SEMA3C: variants seen among roughly 807,000 people sequenced by gnomAD.
The protein encoded by SEMA3C is semaphorin-3C.
A neutral mutation model predicts 89.4 loss-of-function variants in SEMA3C; 47 were observed. The ratio of observed to expected loss-of-function variants is 0.53; its 90% CI spans 0.42 to 0.67. The LOEUF (loss-of-function observed/expected upper bound fraction) is 0.67, where lower values mean the gene tolerates loss of function less well. Among genes scored for constraint, SEMA3C ranks in the 30% least tolerant of loss-of-function variants. The probability of loss-of-function intolerance (pLI) is 0.00; values close to 1 mark genes in which losing one functional copy is unlikely to be tolerated. For synonymous variants in SEMA3C, 310 were observed against 320.2 expected (o/e 0.97, Z 0.34); for missense variants, 839 against 929.1 (o/e 0.90, Z 1.26).
chr7:80,869,037 T>C (rs558613439), intron 2 of SEMA3C, among the ~76,000 whole-genome samples: 71 of 152,326 alleles, frequency 4.7e-4, no homozygotes, highest in African/African-American at 1.7e-3. Context: ...GAGCATAATA[T>C]GCCTTACATA....
chr7:80,748,838 A>G, intron 17 of SEMA3C, 60 bp downstream of exon 17: 1 of 1,487,406 alleles, frequency 6.7e-7, no homozygotes, highest in Admixed American at 2.3e-5. Flanking sequence ...TCGCTGAGGG[A>G]CAGTGATTTA....
At chr7:80,852,475 A>G (rs762448998) in intron 2 of SEMA3C, among the ~76,000 whole-genome samples, 5 of 152,130 alleles carry the variant, frequency 3.3e-5, no homozygotes. Context: ...CTAAGCAAAA[A>G]CGGGATCATC....
rs73374833 is a variant in SEMA3C, at chr7:80,864,492, T to C, written c.104-35747A>G. Among the ~76,000 whole-genome samples, 547 of 152,256 alleles carry C rather than the reference T, an allele frequency of 3.6e-3. 5 individuals are homozygous for C. Among genetic ancestry groups the C allele is most frequent in the African/African-American group, 0.012 (508 of 41,552 alleles). On this transcript the variant is annotated intron_variant, in intron 2 of 17. Coordinates refer to ENST00000265361, the MANE Select transcript of SEMA3C (RefSeq NM_006379.5). ...ATTTAACTTAACACAAGGGTTATTATGTTGTTACTAAAGTAATCTTAAATT... is the reference window on the plus strand; with the variant it reads ...ATTTAACTTAACACAAGGGTTATTACGTTGTTACTAAAGTAATCTTAAATT...
At chr7:80,882,733 G>T (rs1791375991) in intron 2 of SEMA3C, among the ~76,000 whole-genome samples, 1 of 151,690 alleles carries the variant, frequency 6.6e-6, no homozygotes, top group African/African-American at 2.4e-5. Flanking sequence ...GTTTTAATTG[G>T]ATATATTCTT....
chr7:80,821,293 AAAT>A (rs1284293617), intron 4 of SEMA3C, among the ~76,000 whole-genome samples: 2 of 152,244 alleles, frequency 1.3e-5, no homozygotes, highest in Non-Finnish European at 2.9e-5. Context: ...TTTTTTAAAA[AAAT>A]AACCTGTTTG....
chr7:80,743,269 T>C lies in SEMA3C; in HGVS notation c.*1625A>G, dbSNP rs1382557614. 1.3e-5 allele frequency: 2 copies of C among 151,910 alleles called. No homozygotes were observed. The highest frequency in any genetic ancestry group is 4.8e-5 in the African/African-American group (2 of 41,432). 9.4% of individuals were successfully genotyped at this position (151,910 alleles called of 1,614,324 possible). A position where few individuals can be genotyped will look rare whatever the true frequency, so the allele number is the denominator to read the frequency against. On this transcript the variant is annotated 3_prime_UTR_variant, in exon 18 of 18. Coordinates refer to ENST00000265361, the MANE Select transcript of SEMA3C (RefSeq NM_006379.5). ...GTCAGCATTTTAACTATTTTTGCTA[T>C]AGCGAGGCCTCCTCATATATTATCA...
At chr7:80,858,984 A>G (rs1790709188) in intron 2 of SEMA3C, among the ~76,000 whole-genome samples, 1 of 152,168 alleles carries the variant, frequency 6.6e-6, no homozygotes, top group Non-Finnish European at 1.5e-5. Flanking sequence ...AGACTTTACA[A>G]GAGTTTTCAA....
chr7:80,884,971 G>A (rs1791437965), intron 2 of SEMA3C, among the ~76,000 whole-genome samples: 1 of 152,082 alleles, frequency 6.6e-6, no homozygotes, highest in Non-Finnish European at 1.5e-5. Flanking sequence ...AAAATATTTG[G>A]TTCCCACAAA....
At chr7:80,840,300 A>C (rs1254098619) in intron 2 of SEMA3C, among the ~76,000 whole-genome samples, 1 of 151,998 alleles carries the variant, frequency 6.6e-6, no homozygotes, top group African/African-American at 2.4e-5. Flanking sequence ...CGGGTGAATC[A>C]CTTGACCCCA....
chr7:80,884,547 C>T (rs555421371), intron 2 of SEMA3C, among the ~76,000 whole-genome samples: 4 of 152,216 alleles, frequency 2.6e-5, no homozygotes, highest in South Asian at 2.1e-4. Flanking sequence ...AGATAAGTAG[C>T]AAATATTTTC....
chr7:80,829,745 C>T (rs147207155), intron 2 of SEMA3C, among the ~76,000 whole-genome samples: 15 of 152,252 alleles, frequency 9.9e-5, no homozygotes, highest in African/African-American at 3.4e-4. Context: ...AGACAATCAA[C>T]GTATCGTGAC....
chr7:80,775,367 C>G (rs1788523322), intron 12 of SEMA3C, among the ~76,000 whole-genome samples: 1 of 152,002 alleles, frequency 6.6e-6, no homozygotes, highest in African/African-American at 2.4e-5. Context: ...AAGAACAAAG[C>G]TGACCCATTT....
Position 80,828,665 on chromosome 7 carries a change from C to G in SEMA3C, c.184G>C (p.Asp62His). 6.2e-7 allele frequency: 1 copy of G among 1,612,178 alleles called. No homozygotes were observed. The change falls in exon 3 of 18, where the codon GAT (aspartate) becomes CAT (histidine). Residue 62 changes from aspartate (D) to histidine (H), a missense_variant. By Grantham distance (81) the Asp-to-His change is moderately conservative (BLOSUM62 -1). Transcript: ENST00000265361. ...LDYRILLMDE[D>H]QDRIYVGSKD... ...CTTCCCACATATATCCGGTCCTGAT[C>G]TTCATCCATTAATAAAATCCTGTAG...
intron 2 of SEMA3C, among the ~76,000 whole-genome samples, chr7:80,864,825 T>A (rs1790887454): frequency 6.6e-6 from 1 of 152,220 alleles, no homozygotes; most frequent in Admixed American, 6.5e-5. Context: ...ACTTTGCATA[T>A]GTTGACCAGA....
At chr7:80,890,571 T>C (rs774979294) in intron 2 of SEMA3C, among the ~76,000 whole-genome samples, 3 of 152,126 alleles carry the variant, frequency 2.0e-5, no homozygotes, top group Non-Finnish European at 4.4e-5. Flanking sequence ...TTTAAATCTA[T>C]TGGTCTGGAA....
At chr7:80,855,239 C>T (rs1330332524) in intron 2 of SEMA3C, among the ~76,000 whole-genome samples, 6 of 152,064 alleles carry the variant, frequency 3.9e-5, no homozygotes, top group Non-Finnish European at 7.4e-5. Flanking sequence ...CAGGGACTGT[C>T]CTTGGAAAAC....
rs1227446060 is a variant in SEMA3C, at chr7:80,802,087, T to TA, written c.916+577dup. Reference sequence around the variant, plus strand: ...CCCTGGGATATTCAGATTAAAAAAATAAAAAAACTGTTCCTTGGCAGAGGG... The same window carrying TA: ...CCCTGGGATATTCAGATTAAAAAAATAAAAAAAACTGTTCCTTGGCAGAGGG... On this transcript the variant is annotated intron_variant, in intron 9 of 17. Transcript: ENST00000265361. Among the ~76,000 whole-genome samples the TA allele has an allele frequency of 6.6e-5, 10 of 151,922 alleles. No homozygotes were observed. In the East Asian group the frequency reaches 1.2e-3, roughly 18 times the overall value.
intron 15 of SEMA3C, among the ~76,000 whole-genome samples, chr7:80,757,488 C>G (rs1241146872): frequency 2.6e-5 from 4 of 152,148 alleles, no homozygotes; most frequent in African/African-American, 9.7e-5. Context: ...ACTCACCACT[C>G]CAAGGATAAA....
chr7:80,912,461 G>T (rs994206387), intron 2 of SEMA3C, among the ~76,000 whole-genome samples: 13 of 152,206 alleles, frequency 8.5e-5, no homozygotes, highest in African/African-American at 2.6e-4. Flanking sequence ...CAAATTTAGT[G>T]TTACTCTATT....
Sources: allele counts gnomAD v4.1 joint callset (sites outside exome capture counted in the v4.1 genomes callset), GRCh38; gene constraint gnomAD v4.1.1; transcripts MANE v1.5; gene names NCBI Gene and HGNC (gene_info 2026-07-23, HGNC 2026-07-21).